Variants in RNF166 observed in about 807,000 individuals in gnomAD.
RNF166 encodes the protein ring finger protein 166, also known as E3 ubiquitin-protein ligase RNF166.
A neutral mutation model predicts 29.4 loss-of-function variants in RNF166; 19 were observed. The observed-to-expected ratio is 0.65, with a 90% confidence interval of 0.45 to 0.95. The LOEUF (loss-of-function observed/expected upper bound fraction) is 0.95. Ranked by LOEUF, RNF166 falls within the 40% of genes least tolerant of loss-of-function variation. The pLI, the probability that RNF166 is intolerant of heterozygous loss-of-function variation, is 0.00. For synonymous variants in RNF166, 171 were observed against 134.5 expected, an observed-to-expected ratio of 1.27 and a Z score of -1.88; for missense variants, 347 against 322.1, an observed-to-expected ratio of 1.08 and a Z score of -0.59.
Position 88,697,316 on chromosome 16 carries a change from T to C in RNF166, c.*252A>G, listed in dbSNP as rs148085330. On this transcript the variant is annotated 3_prime_UTR_variant, in exon 6 of 6. Coordinates refer to ENST00000312838, the MANE Select transcript of RNF166 (RefSeq NM_178841.4). Reference sequence around the variant, plus strand: ...GTCCCAGCGTCCAGCCCTGCCCAAGTAGGCCGCCTGCTCGGCCAGAAGCAC... The same window carrying C: ...GTCCCAGCGTCCAGCCCTGCCCAAGCAGGCCGCCTGCTCGGCCAGAAGCAC... 2.8e-3 allele frequency: 1,095 copies of C among 397,022 alleles called. 8 individuals are homozygous for C. Among genetic ancestry groups the C allele is most frequent in the African/African-American group, 0.02 (937 of 47,554 alleles). The allele number at this position is 397,022 out of a possible 1,614,324, so 24.6% of individuals were successfully genotyped here.
chr16:88,706,239 C>A lies in RNF166; in HGVS notation c.87G>T (p.Ala29=), dbSNP rs1006843467. Residue 29 remains alanine (A), a synonymous_variant, in exon 1 of 6, where the codon GCG becomes GCT. Transcript: ENST00000312838. ...CCAGGCAGATGGGGCAGGTGTACTG[C>A]GCCTCCAGGCCGCTGTCGCCGCCCG... is the stretch of plus-strand genomic sequence containing the variant. ...GPAGGDSGLE[A]QYTCPICLEV... 6 of 1,312,990 alleles carry A rather than the reference C, an allele frequency of 4.6e-6. No individual in the cohort carries two copies. The highest frequency in any genetic ancestry group is 3.5e-5 in the Admixed American group (1 of 28,620). The allele number at this position is 1,312,990 out of a possible 1,614,324, so 81.3% of individuals were successfully genotyped here.
chr16:88,701,417 A>G lies in RNF166; in HGVS notation c.157T>C (p.Phe53Leu). ...PVAIGSCGHT[F>L]CGECLQPCLQ... ...CAGGGCTGGAGACACTCCCCGCAGA[A>G]CCTGCAGGGCACAGGGGCCTGAGTG... Residue 53 changes from phenylalanine (F) to leucine (L), a missense_variant and splice_region_variant, in exon 2 of 6, where the codon TTC becomes CTC. Transcript: ENST00000312838. The G allele has an allele frequency of 1.3e-6, 2 of 1,588,918 alleles. No homozygotes were observed. The highest frequency in any genetic ancestry group is 1.7e-6 in the Non-Finnish European group (2 of 1,169,410).
chr16:88,705,856 G>A (rs1910738445), intron 1 of RNF166, among the ~76,000 whole-genome samples: 1 of 152,212 alleles, frequency 6.6e-6, no homozygotes, highest in Non-Finnish European at 1.5e-5. Flanking sequence ...GCTGCCCTCT[G>A]AGTACCGGAG....
At chr16:88,703,122 G>A (rs549243254) in intron 1 of RNF166, 45 of 985,542 alleles carry the variant, frequency 4.6e-5, no homozygotes, top group African/African-American at 8.7e-5. Context: ...CCGTGTCGTG[G>A]GGGTCCACTC....
intron 1 of RNF166, chr16:88,704,005 G>T (rs1910525583): frequency 1.0e-6 from 1 of 985,354 alleles, no homozygotes; most frequent in Admixed American, 6.1e-5. Context: ...TGCTCAGACT[G>T]TCCCCTGGCT....
chr16:88,705,341 G>A (rs1395793690), intron 1 of RNF166, among the ~76,000 whole-genome samples: 2 of 152,224 alleles, frequency 1.3e-5, no homozygotes, highest in South Asian at 2.1e-4. Flanking sequence ...GGATGTCTGC[G>A]GGGAAGCCCT....
At chr16:88,698,390 C>G in intron 5 of RNF166, 112 bp downstream of exon 5, 2 of 859,432 alleles carry the variant, frequency 2.3e-6, no homozygotes, top group Non-Finnish European at 3.9e-6. Context: ...AACGAGGCTT[C>G]TGTTTCTGGC....
intron 2 of RNF166, chr16:88,700,682 C>T (rs1462648758): frequency 1.0e-6 from 1 of 987,630 alleles, no homozygotes; most frequent in African/African-American, 1.7e-5. Flanking sequence ...CCTCTCCACC[C>T]TGAAGCGGAT....
chr16:88,699,586 A>G (rs1490532758), intron 3 of RNF166, 34 bp downstream of exon 3: 1 of 1,538,402 alleles, frequency 6.5e-7, no homozygotes, highest in East Asian at 2.3e-5. Context: ...ACCGCCGAGG[A>G]CAGTTCCTCT....
At chr16:88,700,774 A>C in intron 2 of RNF166, 1 of 1,001,300 alleles carries the variant, frequency 1.0e-6, no homozygotes, top group Non-Finnish European at 1.2e-6. Context: ...GACAAGCTGC[A>C]GGCCCTTACG....
rs992753330 is a variant in RNF166 at position 88,697,559 on chromosome 16, C to G, written c.*9G>C. On this transcript the variant is annotated 3_prime_UTR_variant, in exon 6 of 6. Transcript: ENST00000312838. Reference sequence around the variant, plus strand: ...GACCCCAGACGCAGGCGGGTGGCTGCGCTTCCCTTCAGTTCTCAGAGAGAG... The same window carrying G: ...GACCCCAGACGCAGGCGGGTGGCTGGGCTTCCCTTCAGTTCTCAGAGAGAG... The G allele has an allele frequency of 2.6e-6, 4 of 1,546,680 alleles. No individual in the cohort carries two copies. Among genetic ancestry groups the G allele is most frequent in the Non-Finnish European group, 3.5e-6 (4 of 1,144,710 alleles).
At chr16:88,706,107 C>G (rs1329996889) in intron 1 of RNF166, 64 bp downstream of exon 1, 1 of 1,056,938 alleles carries the variant, frequency 9.5e-7, no homozygotes, top group Non-Finnish European at 1.1e-6. Flanking sequence ...GGCCGCCGGC[C>G]TCGCGACCCC....
At chr16:88,704,551 C>G (rs1910575008) in intron 1 of RNF166, 8 of 985,338 alleles carry the variant, frequency 8.1e-6, no homozygotes, top group African/African-American at 1.7e-5. Flanking sequence ...AGTGGAGATG[C>G]TGTGGCCGAC....
At chr16:88,702,875 A>C in intron 1 of RNF166, 2 of 985,462 alleles carry the variant, frequency 2.0e-6, no homozygotes, top group South Asian at 9.4e-5. Context: ...TCACCCGTTC[A>C]CGGGAGGAAG....
At chr16:88,697,686 G>A (rs1909767078) in intron 5 of RNF166, 53 bp from the exon 6 acceptor site, 9 of 1,352,782 alleles carry the variant, frequency 6.7e-6, no homozygotes, top group Non-Finnish European at 9.3e-6. Flanking sequence ...GGAAGGAGAG[G>A]TCCCCTCTGC....
chr16:88,704,603 T>A (rs971500296), intron 1 of RNF166: 2 of 980,216 alleles, frequency 2.0e-6, no homozygotes, highest in African/African-American at 3.5e-5. Flanking sequence ...ACGGGAGGCT[T>A]TTCTAAAACA....
At position 88,706,288 on chromosome 16, in the gene RNF166, T is replaced by C; in HGVS notation, c.38A>G (p.Gln13Arg). The change falls in exon 1 of 6, where the codon CAG (glutamine) becomes CGG (arginine). Residue 13 changes from glutamine to arginine, a missense_variant. Gln to Arg is a conservative substitution (Grantham distance 43). Coordinates refer to ENST00000312838, the MANE Select transcript of RNF166 (RefSeq NM_178841.4). ...CGCCGGCCCGGCCGGCGGCTGCCGCTGCTGAGCCGAGGCCACCAGGCTGCG... is the reference window on the plus strand; with the variant it reads ...CGCCGGCCCGGCCGGCGGCTGCCGCCGCTGAGCCGAGGCCACCAGGCTGCG... ...MFRSLVASAQ[Q>R]RQPPAGPAGG... The C allele has an allele frequency of 1.6e-6, 2 of 1,285,832 alleles. No homozygotes were observed. Among genetic ancestry groups the C allele is most frequent in the Non-Finnish European group, 9.8e-7 (1 of 1,017,040 alleles). 79.7% of individuals were successfully genotyped at this position (1,285,832 alleles called of 1,614,324 possible). A position where few individuals can be genotyped will look rare whatever the true frequency, so the allele number is the denominator to read the frequency against.
At chr16:88,702,423 C>G (rs1187342516) in intron 1 of RNF166, among the ~76,000 whole-genome samples, 2 of 152,166 alleles carry the variant, frequency 1.3e-5, no homozygotes, top group East Asian at 1.9e-4. Flanking sequence ...TACAGGAGCC[C>G]CACTGGACAG....
chr16:88,700,660 C>G, intron 2 of RNF166: 1 of 986,806 alleles, frequency 1.0e-6, no homozygotes, highest in Non-Finnish European at 1.2e-6. Context: ...AAGAACGGGG[C>G]GCTGGCTGGG....
Sources: gnomAD v4.1 joint callset for allele counts (sites outside exome capture counted in the v4.1 genomes callset) on GRCh38, gnomAD v4.1.1 for gene constraint, MANE v1.5 for transcripts, NCBI Gene and HGNC (gene_info 2026-07-23, HGNC 2026-07-21) for gene names.